The following ARHGEF11 variants were observed in gnomAD, a reference collection of about 807,000 sequenced individuals.
ARHGEF11 encodes the protein Rho guanine exchange factor (GEF) 11.
In ARHGEF11, 55 loss-of-function variants were observed where a neutral mutation model predicts 193.7. That is an observed-to-expected ratio of 0.28 (90% CI 0.23 to 0.36). The LOEUF is 0.36. Ranked by LOEUF, ARHGEF11 falls within the 10% of genes least tolerant of loss-of-function variation. The pLI, the probability that ARHGEF11 is intolerant of heterozygous loss-of-function variation, is 1.00. For synonymous variants in ARHGEF11, 693 were observed against 768.0 expected, an observed-to-expected ratio of 0.90 and a Z score of 1.62; for missense variants, 1,723 against 2,005.6, an observed-to-expected ratio of 0.86 and a Z score of 2.69.
At position 156,960,478 on chromosome 1, in the gene ARHGEF11, G is replaced by A; in HGVS notation, c.1240-18C>T. ...CTCAGAGGCTAAAAAACAGAAGTGTGGAGCAGAAGCAGTCAGGTCTGCACA... is the reference window on the plus strand; with the variant it reads ...CTCAGAGGCTAAAAAACAGAAGTGTAGAGCAGAAGCAGTCAGGTCTGCACA... On this transcript the variant is annotated intron_variant, in intron 14 of 40. Transcript: ENST00000368194. 6.2e-7 allele frequency: 1 copy of A among 1,613,986 alleles called. No individual in the cohort carries two copies. Among genetic ancestry groups the A allele is most frequent in the South Asian group, 1.1e-5 (1 of 91,072 alleles).
rs554935118 is a variant in ARHGEF11, at chr1:157,017,562, C to T, written c.32+26737G>A. 3.4e-4 allele frequency among the ~76,000 whole-genome samples: 51 copies of T among 152,018 alleles called. 1 individual carries two copies. In the South Asian group the frequency reaches 6.9e-3, roughly 20 times the overall value. Reference sequence around the variant, plus strand: ...CTCTACTAAAAATACAAAAAATTAGCCGGACGTGGTGGCACGCACCTGTAA... The same window carrying T: ...CTCTACTAAAAATACAAAAAATTAGTCGGACGTGGTGGCACGCACCTGTAA... On this transcript the variant is annotated intron_variant, in intron 1 of 40. Transcript: ENST00000368194.
intron 7 of ARHGEF11, among the ~76,000 whole-genome samples, chr1:156,976,747 T>C (rs537803999): frequency 1.3e-5 from 2 of 152,358 alleles, no homozygotes; most frequent in South Asian, 2.1e-4. Context: ...TGTGTACATA[T>C]TCACTATCCT....
chr1:157,015,828 C>T (rs1278675560), intron 1 of ARHGEF11, among the ~76,000 whole-genome samples: 2 of 152,206 alleles, frequency 1.3e-5, no homozygotes, highest in Non-Finnish European at 1.5e-5. Flanking sequence ...GAGCCAGATA[C>T]ACTCATTCAC....
intron 1 of ARHGEF11, among the ~76,000 whole-genome samples, chr1:157,035,541 G>A (rs1277629326): frequency 2.0e-5 from 3 of 151,838 alleles, no homozygotes; most frequent in African/African-American, 4.8e-5. Flanking sequence ...GAGTAGCTGG[G>A]ATTACAGGAA....
At position 157,044,339 on chromosome 1, in the gene ARHGEF11, G is replaced by T; in HGVS notation, c.-9C>A. 2 of 1,613,286 alleles carry T rather than the reference G, an allele frequency of 1.2e-6. No individual in the cohort carries two copies. Among genetic ancestry groups the T allele is most frequent in the South Asian group, 1.1e-5 (1 of 91,028 alleles). ...GGTAACCTTACACTCATGGTTTCTC[G>T]GTGTCTCCACGGTTCCAGAATCCTG... is the stretch of plus-strand genomic sequence containing the variant. On this transcript the variant is annotated 5_prime_UTR_variant, in exon 1 of 41. Coordinates refer to ENST00000368194, the MANE Select transcript of ARHGEF11 (RefSeq NM_198236.3).
At chr1:156,955,626 G>T in intron 20 of ARHGEF11, 77 bp downstream of exon 20, 1 of 1,176,176 alleles carries the variant, frequency 8.5e-7, no homozygotes, top group Non-Finnish European at 1.3e-6. Flanking sequence ...AAGGCCCTCT[G>T]CCAACATACT....
At chr1:157,020,125 G>GGA (rs1669789161) in intron 1 of ARHGEF11, among the ~76,000 whole-genome samples, 1 of 136,826 alleles carries the variant, frequency 7.3e-6, no homozygotes, top group South Asian at 2.3e-4. Flanking sequence ...CTCTGTCTCA[G>GGA]AAAAAAAAAA....
rs758609193 is a variant in ARHGEF11, at chr1:156,941,924, G to A, written c.3392C>T (p.Pro1131Leu). 1 of 1,613,996 alleles carries A rather than the reference G, an allele frequency of 6.2e-7. No homozygotes were observed. Among genetic ancestry groups the A allele is most frequent in the Non-Finnish European group, 8.5e-7 (1 of 1,180,018 alleles). ...GGGACCTGGGGGTGGAGGATGGACGGGCATTGGGGCAGCTCCGGGGTGCCT... is the reference window on the plus strand; with the variant it reads ...GGGACCTGGGGGTGGAGGATGGACGAGCATTGGGGCAGCTCCGGGGTGCCT... ...ATRHPGAAPMPVHPPPPGPRE... is the reference protein window; with the variant it reads ...ATRHPGAAPMLVHPPPPGPRE... The change falls in exon 34 of 41, where the codon CCC becomes CTC. Residue 1131 changes from proline (P) to leucine (L), a missense_variant. Pro to Leu is a moderately conservative substitution (Grantham distance 98). Coordinates refer to ENST00000368194, the MANE Select transcript of ARHGEF11 (RefSeq NM_198236.3).
intron 13 of ARHGEF11, among the ~76,000 whole-genome samples, chr1:156,962,906 A>C (rs899616973): frequency 2.1e-4 from 31 of 150,988 alleles, no homozygotes; most frequent in South Asian, 4.2e-4. Context: ...AAAAAAAAAA[A>C]AACTCTAGGA....
chr1:156,999,793 G>C (rs1019142502), intron 1 of ARHGEF11, among the ~76,000 whole-genome samples: 6 of 152,178 alleles, frequency 3.9e-5, no homozygotes, highest in African/African-American at 1.2e-4. Flanking sequence ...TCCATCTGTG[G>C]AATGAGGTTT....
In ARHGEF11 at chr1:156,986,083, T is replaced by G. The variant is rs1439274004; in HGVS notation, c.123A>C (p.Thr41=). ...HRQPSDASET[T]GLVQRCVIIQ... is the part of the protein sequence containing the mutation. ...TATGTTAATGCCCAAGGAGGTTACC[T>G]GTTGTCTCAGAGGCATCCGAAGGCT... The change falls in exon 2 of 41, where the codon ACA becomes ACC. Residue 41 remains threonine (T), a splice_region_variant and synonymous_variant. Transcript: ENST00000368194. 6.2e-7 allele frequency: 1 copy of G among 1,613,068 alleles called. No individual in the cohort carries two copies. The highest frequency in any genetic ancestry group is 2.2e-5 in the East Asian group (1 of 44,886).
In ARHGEF11 at chr1:156,958,652, A is replaced by T. The variant is rs1163741421; in HGVS notation, c.1502+90T>A. ...GGCAGGAGAATCAGGCAAGAAGTGG[A>T]AGAGGGGGAGAGGTTGAAAGAACAG... On this transcript the variant is annotated intron_variant, in intron 17 of 40. Coordinates refer to ENST00000368194, the MANE Select transcript of ARHGEF11 (RefSeq NM_198236.3). The T allele has an allele frequency of 1.9e-6, 3 of 1,560,504 alleles. No individual in the cohort carries two copies. In the African/African-American group the frequency reaches 4.1e-5, roughly 21 times the overall value.
intron 1 of ARHGEF11, among the ~76,000 whole-genome samples, chr1:157,010,977 T>C (rs1369697248): frequency 6.6e-6 from 1 of 152,216 alleles, no homozygotes; most frequent in African/African-American, 2.4e-5. Context: ...CCTATTAAAA[T>C]CTCAATTTTT....
intron 11 of ARHGEF11, chr1:156,963,922 G>A (rs185353321): frequency 2.5e-5 from 6 of 235,892 alleles, no homozygotes; most frequent in African/African-American, 1.2e-4. Context: ...AGAGCCAACA[G>A]CTCCTGCTGG....
intron 7 of ARHGEF11, among the ~76,000 whole-genome samples, chr1:156,972,913 T>C (rs959995053): frequency 9.9e-5 from 15 of 152,204 alleles, no homozygotes; most frequent in African/African-American, 3.4e-4. Context: ...GCTCCTTCTC[T>C]CCATCCTACA....
intron 15 of ARHGEF11, 38 bp downstream of exon 15, chr1:156,960,380 T>C (rs755088987): frequency 6.2e-7 from 1 of 1,610,720 alleles, no homozygotes; most frequent in East Asian, 2.2e-5. Flanking sequence ...ACAAGAAAGC[T>C]ACCAAGAAGA....
intron 22 of ARHGEF11, among the ~76,000 whole-genome samples, 173 bp downstream of exon 22, chr1:156,951,400 T>TCA (rs796279739): frequency 5.6e-4 from 85 of 152,280 alleles, no homozygotes; most frequent in African/African-American, 1.8e-3. Context: ...ACTGGCCTGT[T>TCA]CACTGGCACA....
intron 2 of ARHGEF11, chr1:156,985,868 T>C: frequency 2.1e-6 from 1 of 478,744 alleles, no homozygotes; most frequent in Non-Finnish European, 3.8e-6. Context: ...CCTGGGTCAG[T>C]TCACCTCTCC....
rs1673200309 is a variant in ARHGEF11 at position 157,045,270 on chromosome 1, C to G, written c.-940G>C. On this transcript the variant is annotated 5_prime_UTR_variant, in exon 1 of 41. Transcript: ENST00000368194. ...GACCCAGCCTACGTTCGGCCTTTTTCTGAAAGACAATTTCCTGAGTTAGTT... is the reference window on the plus strand; with the variant it reads ...GACCCAGCCTACGTTCGGCCTTTTTGTGAAAGACAATTTCCTGAGTTAGTT... 1 of 152,228 alleles carries G rather than the reference C, an allele frequency of 6.6e-6. No homozygotes were observed. Among genetic ancestry groups the G allele is most frequent in the Non-Finnish European group, 1.5e-5 (1 of 68,054 alleles). 9.4% of individuals were successfully genotyped at this position (152,228 alleles called of 1,614,324 possible). A position where few individuals can be genotyped will look rare whatever the true frequency, so the allele number is the denominator to read the frequency against.
Sources: gnomAD v4.1 joint callset for allele counts (sites outside exome capture counted in the v4.1 genomes callset) on GRCh38, gnomAD v4.1.1 for gene constraint, MANE v1.5 for transcripts, NCBI Gene and HGNC (gene_info 2026-07-23, HGNC 2026-07-21) for gene names.